RAPGEF3: variants seen among roughly 807,000 people sequenced by gnomAD.
The protein encoded by RAPGEF3 is 9330170P05Rik.
RAPGEF3 carries 103 observed loss-of-function variants against 129.8 expected under a neutral mutation model. The ratio of observed to expected loss-of-function variants is 0.79; its 90% confidence interval spans 0.68 to 0.93. The LOEUF is 0.93. Among genes scored for constraint, RAPGEF3 ranks in the 40% least tolerant of loss-of-function variants. RAPGEF3 has a pLI of 0.00. For missense variants in RAPGEF3, 1,117 were observed against 1,207.4 expected (o/e 0.93, Z 1.11); for synonymous variants, 436 against 482.6 (o/e 0.90, Z 1.26).
intron 18 of RAPGEF3, among the ~76,000 whole-genome samples, chr12:47,742,567 G>C (rs781319027): frequency 7.2e-5 from 11 of 152,198 alleles, no homozygotes; most frequent in Non-Finnish European, 1.6e-4. Flanking sequence ...GCAGAGAACA[G>C]TGGTTTTGAA....
At chr12:47,741,480 C>T in intron 19 of RAPGEF3, 25 bp downstream of exon 19, 2 of 1,594,876 alleles carry the variant, frequency 1.3e-6, no homozygotes, top group South Asian at 2.2e-5. Flanking sequence ...CCTCCCTGGG[C>T]CCTGGCACCC....
chr12:47,749,045 A>AT lies in RAPGEF3; in HGVS notation c.1042-115_1042-114insA. The AT allele has an allele frequency of 1.1e-6, 1 of 885,960 alleles. No homozygotes were observed. Among genetic ancestry groups the AT allele is most frequent in the Non-Finnish European group, 1.8e-6 (1 of 560,258 alleles). 54.9% of individuals were successfully genotyped at this position (885,960 alleles called of 1,614,324 possible). ...CCATGAGGGTCCCACAGGGACCCAC[A>AT]GCCCTTCTCCCACCTCCGACTTTGG... On this transcript the variant is annotated intron_variant, in intron 10 of 27. Transcript: ENST00000449771. This position sits in a 1 kb window ranked among gnomAD's most constrained non-coding sequence, Gnocchi z 4.5.
chr12:47,750,347 G>A lies in RAPGEF3; in HGVS notation c.750C>T (p.Ser250=), dbSNP rs1941672285. 1 of 1,613,838 alleles carries A rather than the reference G, an allele frequency of 6.2e-7. No homozygotes were observed. The highest frequency in any genetic ancestry group is 1.3e-5 in the African/African-American group (1 of 74,932). Residue 250 remains serine (S), a synonymous_variant, in exon 7 of 28, where the codon TCC becomes TCT. Coordinates refer to ENST00000449771, the MANE Select transcript of RAPGEF3 (RefSeq NM_001098531.4). ...LLHIKAVAHL[S]NSVKRELAAV... ...TGGGAGGGGCAGGACTGACCGAGTTGGAGAGGTGGGCCACAGCCTTGATGT... is the reference window on the plus strand; with the variant it reads ...TGGGAGGGGCAGGACTGACCGAGTTAGAGAGGTGGGCCACAGCCTTGATGT...
intron 2 of RAPGEF3, chr12:47,752,547 A>G (rs922082835): frequency 3.2e-5 from 5 of 157,510 alleles, no homozygotes; most frequent in Admixed American, 6.0e-5. Context: ...CTGCTTCCCC[A>G]CTGATGGCAG....
chr12:47,744,262 A>C (rs1002891252), intron 16 of RAPGEF3, 194 bp from the exon 17 acceptor site: 2 of 596,696 alleles, frequency 3.4e-6, no homozygotes, highest in Admixed American at 6.0e-5. Context: ...AGAAGACACA[A>C]CATGTCTAAG....
rs572231052 is a variant in RAPGEF3, at chr12:47,749,277, C to T, written c.1041+113G>A. On this transcript the variant is annotated intron_variant, in intron 10 of 27. Transcript: ENST00000449771. The surrounding 1 kb of genome is among the most constrained non-coding windows in gnomAD (Gnocchi z 4.5). ...CCCACTGCCAGCTGTCATAGCCCAG[C>T]ATCTCTTACCTGCCCTGCTTCTTAC... is the stretch of plus-strand genomic sequence containing the variant. 2.3e-4 allele frequency: 311 copies of T among 1,330,454 alleles called. 1 individual carries two copies. The African/African-American group carries it at 4.1e-3, about 18-fold the overall frequency. The allele number at this position is 1,330,454 out of a possible 1,614,324, so 82.4% of individuals were successfully genotyped here. A position where few individuals can be genotyped will look rare whatever the true frequency, so the allele number is the denominator to read the frequency against.
At chr12:47,752,083 T>C in intron 2 of RAPGEF3, 114 bp from the exon 3 acceptor site, 2 of 1,106,086 alleles carry the variant, frequency 1.8e-6, no homozygotes, top group South Asian at 2.6e-5. Flanking sequence ...CCCAAATGCA[T>C]CCATGTGGCC....
At chr12:47,738,647 C>G (rs1940944937) in intron 25 of RAPGEF3, 43 bp downstream of exon 25, 1 of 1,521,970 alleles carries the variant, frequency 6.6e-7, no homozygotes, top group South Asian at 1.1e-5. Flanking sequence ...GTCATGTCCT[C>G]CAACCTATGT....
At chr12:47,751,639 G>C (rs1941757309) in intron 4 of RAPGEF3, 84 bp downstream of exon 4, 1 of 1,599,338 alleles carries the variant, frequency 6.3e-7, no homozygotes. Flanking sequence ...GCTAGAAGCA[G>C]GGTGAGGCCC....
intron 21 of RAPGEF3, 122 bp from the exon 22 acceptor site, chr12:47,740,517 G>T (rs12828238): frequency 6.8e-7 from 1 of 1,472,458 alleles, no homozygotes. Flanking sequence ...GAAGGCAGAG[G>T]CTCCAGGGGA....
Position 47,740,207 on chromosome 12 carries a change from AGAT to A in RAPGEF3, c.2323-19_2323-17del. The stretch of plus-strand genomic sequence containing the variant: ...GAGGCAGCCGCTGTGAAAAGGAGGC[AGAT>A]GAGCGGCTGCTCTGGGGGAGGCCCA... On this transcript the variant is annotated splice_polypyrimidine_tract_variant and intron_variant, in intron 22 of 27. Coordinates refer to ENST00000449771, the MANE Select transcript of RAPGEF3 (RefSeq NM_001098531.4). 1.2e-6 allele frequency: 2 copies of A among 1,613,784 alleles called. No individual in the cohort carries two copies. The highest frequency in any genetic ancestry group is 1.7e-6 in the Non-Finnish European group (2 of 1,179,890).
rs1371369702 is a variant in RAPGEF3 at position 47,737,318 on chromosome 12, G to T, written c.*249C>A. On this transcript the variant is annotated 3_prime_UTR_variant, in exon 28 of 28. Transcript: ENST00000449771. ...CGCACTCCACTCTCCACCCACTCCT[G>T]GGGCCTCTCTGTCCTCCCTTCCTTG... The T allele has an allele frequency of 3.8e-6, 2 of 526,394 alleles. No individual in the cohort carries two copies. Among genetic ancestry groups the T allele is most frequent in the African/African-American group, 1.9e-5 (1 of 52,122 alleles). The allele number at this position is 526,394 out of a possible 1,614,324, so 32.6% of individuals were successfully genotyped here. A position where few individuals can be genotyped will look rare whatever the true frequency, so the allele number is the denominator to read the frequency against.
chr12:47,739,056 G>T, intron 24 of RAPGEF3, 87 bp downstream of exon 24: 1 of 1,207,764 alleles, frequency 8.3e-7, no homozygotes, highest in Non-Finnish European at 1.2e-6. Context: ...GATAGGCATG[G>T]GATGGGGGAT....
chr12:47,757,586 C>T (rs1042818352), intron 2 of RAPGEF3, among the ~76,000 whole-genome samples: 2 of 152,218 alleles, frequency 1.3e-5, no homozygotes, highest in Non-Finnish European at 2.9e-5. Context: ...TCAATGCCGG[C>T]TCACTGAGGT....
At chr12:47,747,042 G>GGA in intron 15 of RAPGEF3, 143 bp from the exon 16 acceptor site, 1 of 783,462 alleles carries the variant, frequency 1.3e-6, no homozygotes, top group Non-Finnish European at 2.1e-6. Flanking sequence ...CATAAAGAGG[G>GGA]GAGAACACGG....
chr12:47,748,482 T>C lies in RAPGEF3; in HGVS notation c.1215A>G (p.Gly405=). 3 of 1,613,736 alleles carry C rather than the reference T, an allele frequency of 1.9e-6. No homozygotes were observed. The highest frequency in any genetic ancestry group is 1.1e-5 in the South Asian group (1 of 91,040). Residue 405 remains glycine, a synonymous_variant, in exon 12 of 28, where the codon GGA becomes GGG. Coordinates refer to ENST00000449771, the MANE Select transcript of RAPGEF3 (RefSeq NM_001098531.4). Reference sequence around the variant, plus strand: ...TTGGGTCATGAGCACTGGAATCTGGTCCCATGGCCTCCAACAGAAGCTCTA... The same window carrying C: ...TTGGGTCATGAGCACTGGAATCTGGCCCCATGGCCTCCAACAGAAGCTCTA... The part of the protein sequence containing the change: ...KILELLLEAM[G]PDSSAHDPTE...
At position 47,740,961 on chromosome 12, in the gene RAPGEF3, C is replaced by T. The variant is rs1188693689; in HGVS notation, c.2003G>A (p.Gly668Asp). The change falls in exon 20 of 28, where the codon GGC (glycine) becomes GAC (aspartate). Residue 668 changes from glycine to aspartate, a missense_variant. By Grantham distance (94) the Gly-to-Asp change is moderately conservative. Transcript: ENST00000449771. The stretch of plus-strand genomic sequence containing the variant: ...GCTCCAGTCGTGGTCCGTCAGCTGG[C>T]CTGCCAGGTCCTTGGCACTCACCAG... ...LDLVSAKDLA[G>D]QLTDHDWSLF... The T allele has an allele frequency of 6.2e-7, 1 of 1,613,816 alleles. No individual in the cohort carries two copies. Among genetic ancestry groups the T allele is most frequent in the Non-Finnish European group, 8.5e-7 (1 of 1,179,952 alleles).
chr12:47,739,783 C>T (rs142759231), intron 23 of RAPGEF3: 81 of 411,652 alleles, frequency 2.0e-4, no homozygotes, highest in African/African-American at 1.3e-3. Context: ...TGCACACAGG[C>T]GCTCCATGCC....
chr12:47,751,083 C>T lies in RAPGEF3; in HGVS notation c.636G>A (p.Gly212=), dbSNP rs368053223. Residue 212 remains glycine, a synonymous_variant, in exon 6 of 28, where the codon GGG becomes GGA. Transcript: ENST00000449771. ...GTGCCACAGTGAGCAGGGCGTCAGG[C>T]CCCCGCTGGGAGAGCAGGGCCACAG... ...AEAVALLSQR[G]PDALLTVALR... is the part of the protein sequence containing the mutation. 74 of 1,594,382 alleles carry T rather than the reference C, an allele frequency of 4.6e-5. No homozygotes were observed. The highest frequency in any genetic ancestry group is 6.0e-5 in the Non-Finnish European group (70 of 1,171,504).
Sources: allele counts gnomAD v4.1 joint callset (sites outside exome capture counted in the v4.1 genomes callset), GRCh38; gene constraint gnomAD v4.1.1; non-coding constraint Gnocchi (gnomAD v3.1); transcripts MANE v1.5; gene names NCBI Gene and HGNC (gene_info 2026-07-23, HGNC 2026-07-21).